The following XXYLT1 variants were observed in gnomAD, a reference collection of about 807,000 sequenced individuals.
XXYLT1 encodes the protein UDP-xylose:alpha-xyloside alpha-1,3-xylosyltransferase.
Under a neutral mutation model 28.9 loss-of-function variants are expected in XXYLT1, and 20 were observed. That is an observed-to-expected ratio of 0.69 (90% CI 0.49 to 1.00). The LOEUF is 1.00. XXYLT1 is among the 50% of genes least tolerant of loss of function. XXYLT1 has a pLI of 0.00. For synonymous variants in XXYLT1, 257 were observed against 253.8 expected (o/e 1.01, Z -0.12); for missense variants, 542 against 560.1 (o/e 0.97, Z 0.33).
chr3:195,238,573 A>C (rs1354521895), intron 1 of XXYLT1, among the ~76,000 whole-genome samples: 1 of 152,188 alleles, frequency 6.6e-6, no homozygotes, highest in East Asian at 1.9e-4. Flanking sequence ...TGGGCAAGTA[A>C]CTAAACCTCT....
chr3:195,071,922 G>A (rs1324112566), intron 3 of XXYLT1, among the ~76,000 whole-genome samples: 2 of 152,178 alleles, frequency 1.3e-5, no homozygotes, highest in African/African-American at 4.8e-5. Context: ...CCAAAGGGAG[G>A]GAGGGCACGA....
chr3:195,270,548 C>T lies in XXYLT1; in HGVS notation c.504+7G>A. On this transcript the variant is annotated splice_region_variant and intron_variant, in intron 1 of 3. Transcript: ENST00000310380. Reference sequence around the variant, plus strand: ...CCACCGGGAGCCCCCAGCCGCGGCCCGCTCACCTTGCACTTGAAGCCAGCG... The same window carrying T: ...CCACCGGGAGCCCCCAGCCGCGGCCTGCTCACCTTGCACTTGAAGCCAGCG... The T allele has an allele frequency of 1.4e-6, 2 of 1,383,648 alleles. No individual in the cohort carries two copies. Among genetic ancestry groups the T allele is most frequent in the South Asian group, 3.2e-5 (2 of 62,196 alleles). 85.7% of individuals were successfully genotyped at this position (1,383,648 alleles called of 1,614,324 possible).
intron 3 of XXYLT1, among the ~76,000 whole-genome samples, chr3:195,139,416 A>C (rs1719367639): frequency 1.3e-5 from 2 of 152,236 alleles, no homozygotes; most frequent in Admixed American, 1.3e-4. Flanking sequence ...GAAGGACATA[A>C]GGCCTGCTGC....
chr3:195,149,648 G>A (rs779284115), intron 3 of XXYLT1, among the ~76,000 whole-genome samples: 2 of 152,112 alleles, frequency 1.3e-5, no homozygotes, highest in African/African-American at 2.4e-5. Context: ...ATCTACATTC[G>A]TCCCTCCCCC....
At chr3:195,245,078 A>G (rs1444538856) in intron 1 of XXYLT1, among the ~76,000 whole-genome samples, 3 of 150,286 alleles carry the variant, frequency 2.0e-5, no homozygotes, top group Non-Finnish European at 4.4e-5. Context: ...AGGCAGGAGA[A>G]TTGCTTGAAC....
chr3:195,171,767 A>C (rs1423838757), intron 2 of XXYLT1, among the ~76,000 whole-genome samples: 2 of 152,220 alleles, frequency 1.3e-5, no homozygotes, highest in Non-Finnish European at 2.9e-5. Context: ...GGTCAGGGCA[A>C]ATTTGCTTTC....
chr3:195,110,476 T>TGTGGGTGAG (rs879315643), intron 3 of XXYLT1, among the ~76,000 whole-genome samples: 3,577 of 23,738 alleles, frequency 0.15, 76 homozygotes, highest in Middle Eastern at 0.33. Context: ...GGGTGAGGTG[T>TGTGGGTGAG]GTGTGTATGT....
chr3:195,127,426 T>A (rs893752102), intron 3 of XXYLT1, among the ~76,000 whole-genome samples: 1 of 152,194 alleles, frequency 6.6e-6, no homozygotes, highest in African/African-American at 2.4e-5. Flanking sequence ...TCAGGCCCCA[T>A]CTACTTGCAA....
At chr3:195,103,389 G>GCGGCCTGCGTCCATCACCCCACA (rs1716908539) in intron 3 of XXYLT1, among the ~76,000 whole-genome samples, 5 of 133,660 alleles carry the variant, frequency 3.7e-5, no homozygotes, top group African/African-American at 1.5e-4. Flanking sequence ...ATCACCCCAC[G>GCGGCCTGCGTCCATCACCCCACA]CCAGCGGCCT....
At chr3:195,112,762 T>G (rs112204971) in intron 3 of XXYLT1, among the ~76,000 whole-genome samples, 3 of 74,276 alleles carry the variant, frequency 4.0e-5, no homozygotes, top group African/African-American at 1.3e-4. Context: ...AGTGCGCGCA[T>G]GCACACACAC....
chr3:195,175,938 G>A, intron 2 of XXYLT1: 1 of 1,381,614 alleles, frequency 7.2e-7, no homozygotes, highest in Non-Finnish European at 9.4e-7. Context: ...TTTCAGTCAT[G>A]TTTGTTATTA....
chr3:195,086,191 G>C (rs546807942), intron 3 of XXYLT1, among the ~76,000 whole-genome samples: 2 of 152,218 alleles, frequency 1.3e-5, no homozygotes, highest in East Asian at 1.9e-4. Context: ...CTACAGCACT[G>C]TCCTTGCTTT....
intron 3 of XXYLT1, among the ~76,000 whole-genome samples, chr3:195,082,623 C>T (rs138681868): frequency 1.9e-4 from 29 of 152,140 alleles, no homozygotes; most frequent in African/African-American, 6.8e-4. Flanking sequence ...GAGGCTGAGG[C>T]GGGTGGATCC....
rs781193851 is a variant in XXYLT1 at position 195,069,805 on chromosome 3, G to C, written c.1092C>G (p.Gly364=). The change falls in exon 4 of 4, where the codon GGC becomes GGG. Residue 364 remains glycine (G), a synonymous_variant. Coordinates refer to ENST00000310380, the MANE Select transcript of XXYLT1 (RefSeq NM_152531.5). The part of the protein sequence containing the change: ...RQLCTWWRDH[G]YSDVFEAYFR... ...AATAGGCCTCGAAGACGTCACTGTA[G>C]CCATGGTCCCTCCACCAGGTGCACA... is the stretch of plus-strand genomic sequence containing the variant. 2.7e-5 allele frequency: 44 copies of C among 1,614,078 alleles called. No homozygotes were observed. The highest frequency in any genetic ancestry group is 3.4e-5 in the Non-Finnish European group (40 of 1,180,048).
chr3:195,187,641 G>A (rs1722260980), intron 2 of XXYLT1, among the ~76,000 whole-genome samples: 1 of 152,176 alleles, frequency 6.6e-6, no homozygotes, highest in Admixed American at 6.5e-5. Flanking sequence ...ATTCCTTTAA[G>A]CTTCTTTGAT....
intron 2 of XXYLT1, among the ~76,000 whole-genome samples, chr3:195,201,890 T>G (rs1187984363): frequency 2.0e-5 from 3 of 152,038 alleles, no homozygotes; most frequent in South Asian, 2.1e-4. Context: ...CAACTAAGAC[T>G]AGACAGGGCC....
chr3:195,199,447 T>C (rs899151964), intron 2 of XXYLT1, among the ~76,000 whole-genome samples: 1 of 151,944 alleles, frequency 6.6e-6, no homozygotes. Context: ...CTGTCTCTAC[T>C]AAAAATACAA....
intron 1 of XXYLT1, among the ~76,000 whole-genome samples, chr3:195,254,269 T>A (rs541948275): frequency 2.0e-5 from 3 of 152,180 alleles, no homozygotes; most frequent in Admixed American, 1.3e-4. Flanking sequence ...GAAACTGGGG[T>A]CAGCAGCAGA....
chr3:195,270,904 G>C lies in XXYLT1; in HGVS notation c.155C>G (p.Thr52Ser). Residue 52 changes from threonine (T) to serine (S), a missense_variant, in exon 1 of 4, where the codon ACC becomes AGC. Coordinates refer to ENST00000310380, the MANE Select transcript of XXYLT1 (RefSeq NM_152531.5). ...GGCGCGGGCCTCCTTCAGCCTCTTG[G>C]TGGCGCTGGAGAAGGTCTCCCGGCC... ...GSGRETFSSA[T>S]KRLKEARAGA... The C allele has an allele frequency of 6.8e-7, 1 of 1,476,184 alleles. No individual in the cohort carries two copies. The highest frequency in any genetic ancestry group is 9.0e-7 in the Non-Finnish European group (1 of 1,115,266). The allele number at this position is 1,476,184 out of a possible 1,614,324, so 91.4% of individuals were successfully genotyped here. A position where few individuals can be genotyped will look rare whatever the true frequency, so the allele number is the denominator to read the frequency against.
Sources: gnomAD v4.1 joint callset for allele counts (sites outside exome capture counted in the v4.1 genomes callset) on GRCh38, gnomAD v4.1.1 for gene constraint, MANE v1.5 for transcripts, NCBI Gene and HGNC (gene_info 2026-07-23, HGNC 2026-07-21) for gene names.